TPRG1: variants seen among roughly 807,000 people sequenced by gnomAD.
TPRG1 encodes tumor protein p63-regulated gene 1 protein.
In TPRG1, 29 loss-of-function variants were observed where a neutral mutation model predicts 29.3. That is an observed-to-expected ratio of 0.99 (90% CI 0.74 to 1.35). The LOEUF (loss-of-function observed/expected upper bound fraction) is 1.35. TPRG1 is among the 40% of genes most tolerant of loss of function. TPRG1 has a pLI of 0.00. For synonymous variants in TPRG1, 130 were observed against 116.8 expected (o/e 1.11, Z -0.73); for missense variants, 327 against 335.0 (o/e 0.98, Z 0.19).
chr3:189,048,008 A>G (rs1185750262), intron 4 of TPRG1, among the ~76,000 whole-genome samples: 6 of 152,210 alleles, frequency 3.9e-5, no homozygotes, highest in Non-Finnish European at 8.8e-5. Context: ...CCCATGAATC[A>G]TGAATGTTCT....
chr3:189,059,905 A>C (rs1293980168), intron 4 of TPRG1, among the ~76,000 whole-genome samples: 1 of 152,174 alleles, frequency 6.6e-6, no homozygotes, highest in Non-Finnish European at 1.5e-5. Flanking sequence ...TAGATGCAGA[A>C]AAGGCTTTCA....
intron 2 of TPRG1, among the ~76,000 whole-genome samples, chr3:189,129,390 G>A (rs999885950): frequency 6.6e-6 from 1 of 152,088 alleles, no homozygotes; most frequent in African/African-American, 2.4e-5. Flanking sequence ...GTGATACCAG[G>A]TATATTATGT....
chr3:189,032,070 G>A (rs895019263), intron 4 of TPRG1, among the ~76,000 whole-genome samples: 1 of 152,110 alleles, frequency 6.6e-6, no homozygotes, highest in Non-Finnish European at 1.5e-5. Context: ...CCATAACTAT[G>A]TTACCTTACA....
At chr3:189,241,538 C>T (rs1399418278) in intron 4 of TPRG1, among the ~76,000 whole-genome samples, 3 of 151,620 alleles carry the variant, frequency 2.0e-5, no homozygotes, top group African/African-American at 7.3e-5. Flanking sequence ...ATAAATTTTT[C>T]CCAGTTTGTC....
chr3:189,016,745 GCT>G (rs1166152501), intron 3 of TPRG1, among the ~76,000 whole-genome samples: 1 of 152,036 alleles, frequency 6.6e-6, no homozygotes, highest in East Asian at 1.9e-4. Flanking sequence ...CCCCCTTCAT[GCT>G]CTCTTTCTCC....
At chr3:189,055,900 C>T (rs768418408) in intron 4 of TPRG1, among the ~76,000 whole-genome samples, 2 of 151,990 alleles carry the variant, frequency 1.3e-5, no homozygotes, top group African/African-American at 2.4e-5. Context: ...CTTCCAGTCT[C>T]CTACCTTTCT....
At chr3:189,085,878 T>A (rs1182188709) in intron 4 of TPRG1, among the ~76,000 whole-genome samples, 2 of 152,188 alleles carry the variant, frequency 1.3e-5, no homozygotes, top group African/African-American at 4.8e-5. Context: ...AGTCATAAAA[T>A]CATGAAATTA....
chr3:189,098,292 T>A (rs892722581), upstream of TPRG1, among the ~76,000 whole-genome samples: 1 of 151,896 alleles, frequency 6.6e-6, no homozygotes, highest in African/African-American at 2.4e-5. Flanking sequence ...ACAGGGACAA[T>A]ACGAGTAAAG....
intron 1 of TPRG1, among the ~76,000 whole-genome samples, chr3:189,110,827 C>A (rs1294690574): frequency 2.0e-5 from 3 of 151,832 alleles, no homozygotes; most frequent in Non-Finnish European, 4.4e-5. Context: ...ACTACCCTTT[C>A]TTTACTGAAT....
At chr3:189,231,943 T>TTTTGTG (rs984741268) in intron 3 of TPRG1, among the ~76,000 whole-genome samples, 74 of 147,706 alleles carry the variant, frequency 5.0e-4, no homozygotes, top group African/African-American at 1.6e-3. Context: ...CAAACCTGGT[T>TTTTGTG]TGTGTGTGTG....
chr3:189,160,544 A>AT (rs1727331434), intron 5 of TPRG1, among the ~76,000 whole-genome samples: 1 of 152,176 alleles, frequency 6.6e-6, no homozygotes, highest in African/African-American at 2.4e-5. Flanking sequence ...AAGGAGAAAG[A>AT]TTATGTTTAC....
intron 1 of TPRG1, among the ~76,000 whole-genome samples, chr3:189,178,280 G>A (rs535593219): frequency 1.7e-4 from 26 of 152,344 alleles, no homozygotes; most frequent in African/African-American, 6.3e-4. Flanking sequence ...TGTAATCCCA[G>A]CACTTTGGGA....
intron 4 of TPRG1, among the ~76,000 whole-genome samples, chr3:189,271,557 A>G (rs1715135026): frequency 6.6e-6 from 1 of 152,200 alleles, no homozygotes; most frequent in Admixed American, 6.5e-5. Context: ...AGTAATCTAG[A>G]TATTTTGGGT....
intron 4 of TPRG1, among the ~76,000 whole-genome samples, chr3:189,301,318 A>T (rs975992617): frequency 4.0e-5 from 6 of 151,202 alleles, no homozygotes; most frequent in Admixed American, 1.3e-4. Flanking sequence ...AAAAAAAAAA[A>T]AAAAAAAAGT....
At chr3:189,062,678 C>T (rs938095535) in intron 4 of TPRG1, among the ~76,000 whole-genome samples, 17 of 151,914 alleles carry the variant, frequency 1.1e-4, no homozygotes, top group African/African-American at 4.1e-4. Context: ...AATGTTGATG[C>T]CAGTAGAATG....
At chr3:189,285,914 A>G (rs1264872147) in intron 4 of TPRG1, among the ~76,000 whole-genome samples, 1 of 152,024 alleles carries the variant, frequency 6.6e-6, no homozygotes, top group African/African-American at 2.4e-5. Flanking sequence ...TTTCACTTAT[A>G]TCAGTTTGTA....
At chr3:189,209,261 A>G (rs896867064) in intron 2 of TPRG1, among the ~76,000 whole-genome samples, 2 of 152,238 alleles carry the variant, frequency 1.3e-5, no homozygotes, top group Admixed American at 6.5e-5. Flanking sequence ...AACAGTTGCC[A>G]TGAACATGAG....
At chr3:189,240,392 AAT>A (rs1468023961) in intron 4 of TPRG1, 1 of 152,178 alleles carries the variant, frequency 6.6e-6, no homozygotes, top group African/African-American at 2.4e-5. Flanking sequence ...ATAGTCTATA[AAT>A]ATAAAAGAAT....
upstream of TPRG1, among the ~76,000 whole-genome samples, chr3:189,171,237 G>A (rs956858747): frequency 6.6e-6 from 1 of 152,174 alleles, no homozygotes; most frequent in African/African-American, 2.4e-5. Context: ...TTCTGAAGGA[G>A]AAATGATACT....
Sources: allele counts gnomAD v4.1 joint callset (sites outside exome capture counted in the v4.1 genomes callset), GRCh38; gene constraint gnomAD v4.1.1; transcripts MANE v1.5; gene names NCBI Gene and HGNC (gene_info 2026-07-23, HGNC 2026-07-21).